Variants in TMEM59L observed in about 807,000 individuals in gnomAD.
TMEM59L encodes the protein transmembrane protein 59 like.
Under a neutral mutation model 39.6 loss-of-function variants are expected in TMEM59L, and 31 were observed. That is an observed-to-expected ratio of 0.78 (90% CI 0.59 to 1.06). The LOEUF is 1.06. Ranked by LOEUF, TMEM59L falls within the 50% of genes least tolerant of loss-of-function variation. The pLI is 0.00. For missense variants in TMEM59L, 441 were observed against 451.3 expected (o/e 0.98, Z 0.21); for synonymous variants, 219 against 202.9 (o/e 1.08, Z -0.68).
chr19:18,616,935 G>A, intron 4 of TMEM59L, 65 bp from the exon 5 acceptor site: 1 of 1,259,796 alleles, frequency 7.9e-7, no homozygotes, highest in Non-Finnish European at 1.1e-6. Context: ...AGTCACAGAG[G>A]GCCTGCCTGG....
chr19:18,618,358 C>T lies in TMEM59L; in HGVS notation c.783-17C>T, dbSNP rs1319476056. On this transcript the variant is annotated splice_polypyrimidine_tract_variant and intron_variant, in intron 6 of 7. Coordinates refer to ENST00000262817, the MANE Select transcript of TMEM59L (RefSeq NM_012109.3). Reference sequence around the variant, plus strand: ...TCCCGGCCTGGGCAGCTGAGTGGTGCCTGCCGGGCGGGGCAGGCGCTCGGG... The same window carrying T: ...TCCCGGCCTGGGCAGCTGAGTGGTGTCTGCCGGGCGGGGCAGGCGCTCGGG... 1.2e-6 allele frequency: 2 copies of T among 1,609,742 alleles called. No individual in the cohort carries two copies. Among genetic ancestry groups the T allele is most frequent in the Admixed American group, 3.3e-5 (2 of 59,896 alleles).
At position 18,620,624 on chromosome 19, in the gene TMEM59L, C is replaced by T; in HGVS notation, c.*88C>T. ...CCAGGAGTCCAAGGGCAGGGTGGGTCCAGCCTTGAGCCCCTCCACCCCCAA... is the reference window on the plus strand; with the variant it reads ...CCAGGAGTCCAAGGGCAGGGTGGGTTCAGCCTTGAGCCCCTCCACCCCCAA... On this transcript the variant is annotated 3_prime_UTR_variant, in exon 8 of 8. Transcript: ENST00000262817. 1 of 1,496,192 alleles carries T rather than the reference C, an allele frequency of 6.7e-7. No individual in the cohort carries two copies. The highest frequency in any genetic ancestry group is 1.3e-5 in the South Asian group (1 of 76,948). The allele number at this position is 1,496,192 out of a possible 1,614,324, so 92.7% of individuals were successfully genotyped here.
In TMEM59L at chr19:18,620,448, C is replaced by T. The variant is rs1976483320; in HGVS notation, c.941C>T (p.Pro314Leu). 6.2e-7 allele frequency: 1 copy of T among 1,613,470 alleles called. No homozygotes were observed. The highest frequency in any genetic ancestry group is 8.5e-7 in the Non-Finnish European group (1 of 1,179,978). ...LEQHKGFMME[P>L]DWPLYPPPSH... ...CAGCACAAGGGCTTCATGATGGAGC[C>T]CGATTGGCCCCTGTACCCGCCGCCG... The change falls in exon 8 of 8, where the codon CCC (proline) becomes CTC (leucine). Residue 314 changes from proline to leucine, a missense_variant. Pro to Leu is a moderately conservative substitution (Grantham distance 98). Coordinates refer to ENST00000262817, the MANE Select transcript of TMEM59L (RefSeq NM_012109.3).
intron 3 of TMEM59L, among the ~76,000 whole-genome samples, chr19:18,614,962 C>A (rs973618961): frequency 2.6e-5 from 4 of 152,174 alleles, no homozygotes; most frequent in Non-Finnish European, 5.9e-5. Flanking sequence ...GTCAGCCCTT[C>A]CAATTCAGAG....
rs748161640 is a variant in TMEM59L at position 18,613,854 on chromosome 19, T to C, written c.172-18T>C. 2.3e-6 allele frequency: 3 copies of C among 1,304,970 alleles called. No homozygotes were observed. Among genetic ancestry groups the C allele is most frequent in the South Asian group, 1.2e-5 (1 of 85,062 alleles). 80.8% of individuals were successfully genotyped at this position (1,304,970 alleles called of 1,614,324 possible). A position where few individuals can be genotyped will look rare whatever the true frequency, so the allele number is the denominator to read the frequency against. On this transcript the variant is annotated intron_variant, in intron 1 of 7. Transcript: ENST00000262817. ...GCCCCTCCCCATGGCCTGAGCCCCC[T>C]GTCCTCCCCTCCCCCAGGCGGGGCT...
intron 5 of TMEM59L, chr19:18,617,851 TTCATCTTCTAGGG>T (rs1009546181): frequency 9.1e-6 from 4 of 439,830 alleles, no homozygotes; most frequent in Non-Finnish European, 1.7e-5. Flanking sequence ...GTTCCATGGG[TTCATCTTCTAGGG>T]TCATCTCCTA....
chr19:18,618,780 C>T (rs937224498), intron 7 of TMEM59L, among the ~76,000 whole-genome samples: 1 of 150,968 alleles, frequency 6.6e-6, no homozygotes, highest in Non-Finnish European at 1.5e-5. Context: ...CTGCAACCTC[C>T]ACCTCCTGGG....
rs139135272 is a variant in TMEM59L at position 18,620,416 on chromosome 19, C to T, written c.909C>T (p.Thr303=). The part of the protein sequence containing the change: ...PGQHLKFQPL[T]LEQHKGFMME... Reference sequence around the variant, plus strand: ...CCCCTCTCTTCCTGCAGCCTCTGACCCTGGAGCAGCACAAGGGCTTCATGA... The same window carrying T: ...CCCCTCTCTTCCTGCAGCCTCTGACTCTGGAGCAGCACAAGGGCTTCATGA... Residue 303 remains threonine (T), a synonymous_variant, in exon 8 of 8, where the codon ACC becomes ACT. Coordinates refer to ENST00000262817, the MANE Select transcript of TMEM59L (RefSeq NM_012109.3). 8 of 1,612,252 alleles carry T rather than the reference C, an allele frequency of 5.0e-6. No homozygotes were observed. In the East Asian group the frequency reaches 6.7e-5, roughly 13 times the overall value.
rs375400057 is a variant in TMEM59L at position 18,614,173 on chromosome 19, C to T, written c.386C>T (p.Ala129Val). ...AGCCACGGCTGCTGGAGCCAGCCCGCGGAGCCTGAGCCGGAGCAGAAGGTG... is the reference window on the plus strand; with the variant it reads ...AGCCACGGCTGCTGGAGCCAGCCCGTGGAGCCTGAGCCGGAGCAGAAGGTG... ...ACSHGCWSQP[A>V]EPEPEQKRKV... Residue 129 changes from alanine to valine, a missense_variant, in exon 3 of 8, where the codon GCG becomes GTG. Coordinates refer to ENST00000262817, the MANE Select transcript of TMEM59L (RefSeq NM_012109.3). The T allele has an allele frequency of 4.3e-5, 69 of 1,605,020 alleles. No individual in the cohort carries two copies. Among genetic ancestry groups the T allele is most frequent in the African/African-American group, 3.2e-4 (24 of 74,998 alleles).
At chr19:18,617,705 CTG>C (rs2145350364) in intron 5 of TMEM59L, 2 of 443,840 alleles carry the variant, frequency 4.5e-6, no homozygotes, top group East Asian at 1.4e-4. Flanking sequence ...CCCCAGGGTT[CTG>C]CAGTCCATCT....
Position 18,616,078 on chromosome 19 carries a change from C to T in TMEM59L, c.512C>T (p.Thr171Ile). Reference sequence around the variant, plus strand: ...TCAGCCCAGGGATTTGTCTCCTCCACCTGGACATACTACTTGCAGACTGAC... The same window carrying T: ...TCAGCCCAGGGATTTGTCTCCTCCATCTGGACATACTACTTGCAGACTGAC... Reference protein sequence around the residue: ...VNSAQGFVSSTWTYYLQTDNG... With the variant: ...VNSAQGFVSSIWTYYLQTDNG... Residue 171 changes from threonine (T) to isoleucine (I), a missense_variant, in exon 4 of 8, where the codon ACC becomes ATC. Physicochemically the swap from Thr to Ile is moderately conservative, Grantham distance 89 (BLOSUM62 -1). Transcript: ENST00000262817. 6.2e-7 allele frequency: 1 copy of T among 1,614,142 alleles called. No homozygotes were observed. Among genetic ancestry groups the T allele is most frequent in the Non-Finnish European group, 8.5e-7 (1 of 1,180,010 alleles).
intron 7 of TMEM59L, 134 bp from the exon 8 acceptor site, chr19:18,620,274 C>G (rs1976480730): frequency 2.4e-6 from 2 of 846,532 alleles, no homozygotes; most frequent in African/African-American, 3.4e-5. Context: ...TGCACTCCAG[C>G]CTGGGTGACA....
chr19:18,616,952 G>A, intron 4 of TMEM59L, 48 bp from the exon 5 acceptor site: 3 of 1,443,712 alleles, frequency 2.1e-6, no homozygotes, highest in Middle Eastern at 1.8e-4. Flanking sequence ...CTGGGCCCAG[G>A]GGTGCTGTTC....
Position 18,617,128 on chromosome 19 carries a change from C to A in TMEM59L, c.664+26C>A. ...GTAAGGTGCAACCTAGACCAGTGTT[C>A]CTTCCATGGGTGGCCCCACTGCCAC... On this transcript the variant is annotated intron_variant, in intron 5 of 7. Transcript: ENST00000262817. 3 of 1,577,152 alleles carry A rather than the reference C, an allele frequency of 1.9e-6. No homozygotes were observed. The South Asian group carries it at 3.3e-5, about 17-fold the overall frequency.
chr19:18,613,011 C>T lies in TMEM59L; in HGVS notation c.53C>T (p.Ala18Val). 4 of 1,383,386 alleles carry T rather than the reference C, an allele frequency of 2.9e-6. No individual in the cohort carries two copies. The highest frequency in any genetic ancestry group is 2.8e-6 in the Non-Finnish European group (3 of 1,070,470). 85.7% of individuals were successfully genotyped at this position (1,383,386 alleles called of 1,614,324 possible). Residue 18 changes from alanine (A) to valine (V), a missense_variant, in exon 1 of 8, where the codon GCG becomes GTG. Ala to Val is a moderately conservative substitution (Grantham distance 64). Transcript: ENST00000262817. ...PPPLLLLLLL[A>V]SPPAASAPSA... is the part of the protein sequence containing the mutation. ...CCGCTGCTGCTGCTGCTGCTGTTGG[C>T]GTCGCCGCCCGCCGCCTCCGCGCCG...
Position 18,617,740 on chromosome 19 carries a change from C to T in TMEM59L, c.665-415C>T, listed in dbSNP as rs185383412. The T allele has an allele frequency of 2.7e-4, 115 of 420,304 alleles. 1 individual carries two copies. Among genetic ancestry groups the T allele is most frequent in the Admixed American group, 1.0e-3 (37 of 35,294 alleles). The allele number at this position is 420,304 out of a possible 1,614,324, so 26.0% of individuals were successfully genotyped here. A position where few individuals can be genotyped will look rare whatever the true frequency, so the allele number is the denominator to read the frequency against. On this transcript the variant is annotated intron_variant, in intron 5 of 7. Transcript: ENST00000262817. ...TCTCCCAGGGTTCCATGGTCCATTT[C>T]CCAGGGTTCCATGTTCCATCTCCCA...
Position 18,612,947 on chromosome 19 carries a change from T to C in TMEM59L, c.-12T>C. The C allele has an allele frequency of 7.7e-7, 1 of 1,295,306 alleles. No individual in the cohort carries two copies. Among genetic ancestry groups the C allele is most frequent in the South Asian group, 2.4e-5 (1 of 41,950 alleles). 80.2% of individuals were successfully genotyped at this position (1,295,306 alleles called of 1,614,324 possible). On this transcript the variant is annotated 5_prime_UTR_variant, in exon 1 of 8. Coordinates refer to ENST00000262817, the MANE Select transcript of TMEM59L (RefSeq NM_012109.3). The surrounding 1 kb of genome is among the most constrained non-coding windows in gnomAD (Gnocchi z 6.2). ...GCTGGAGTCCCCCGCGCCCCCCGCGTTCCGCCCGGCCATGGCTGCGGTGGC... is the reference window on the plus strand; with the variant it reads ...GCTGGAGTCCCCCGCGCCCCCCGCGCTCCGCCCGGCCATGGCTGCGGTGGC...
chr19:18,614,604 T>C (rs966553333), intron 3 of TMEM59L, among the ~76,000 whole-genome samples: 5 of 152,194 alleles, frequency 3.3e-5, no homozygotes, highest in Non-Finnish European at 7.3e-5. Flanking sequence ...TGGCCACTCC[T>C]CACCTCACTC....
chr19:18,614,888 A>C (rs1008603891), intron 3 of TMEM59L, among the ~76,000 whole-genome samples: 1 of 152,114 alleles, frequency 6.6e-6, no homozygotes, highest in Non-Finnish European at 1.5e-5. Flanking sequence ...CCCTTTCCCC[A>C]CTTCCCCCAT....
Sources: gnomAD v4.1 joint callset for allele counts (sites outside exome capture counted in the v4.1 genomes callset) on GRCh38, gnomAD v4.1.1 for gene constraint, Gnocchi (gnomAD v3.1) non-coding constraint, MANE v1.5 for transcripts, NCBI Gene and HGNC (gene_info 2026-07-23, HGNC 2026-07-21) for gene names.